Variants in SERPINI1 observed in about 807,000 individuals in gnomAD.
SERPINI1 encodes neuroserpin.
SERPINI1 carries 19 observed loss-of-function variants against 41.1 expected under a neutral mutation model. That is an observed-to-expected ratio of 0.46 (90% CI 0.32 to 0.68). The LOEUF is 0.68. Among genes scored for constraint, SERPINI1 ranks in the 30% least tolerant of loss-of-function variants. The pLI is 0.03. For synonymous variants in SERPINI1, 138 were observed against 156.6 expected (o/e 0.88, Z 0.89); for missense variants, 460 against 479.2 (o/e 0.96, Z 0.37).
intron 5 of SERPINI1, among the ~76,000 whole-genome samples, chr3:167,797,750 T>TTA (rs397779381): frequency 2.0e-5 from 3 of 151,582 alleles, no homozygotes; most frequent in Non-Finnish European, 2.9e-5. Flanking sequence ...GTTTTTTTTT[T>TTA]ATGTATGATA....
intron 1 of SERPINI1, among the ~76,000 whole-genome samples, chr3:167,744,100 C>G (rs1725765437): frequency 6.6e-6 from 1 of 152,070 alleles, no homozygotes; most frequent in African/African-American, 2.4e-5. Flanking sequence ...TTGTCAAACA[C>G]TGGTTAAGAA....
chr3:167,798,778 G>C (rs371430911), intron 5 of SERPINI1, among the ~76,000 whole-genome samples: 1 of 152,058 alleles, frequency 6.6e-6, no homozygotes, highest in Non-Finnish European at 1.5e-5. Flanking sequence ...ATAAGTGGGA[G>C]CTAAATTTTG....
intron 5 of SERPINI1, 90 bp downstream of exon 5, chr3:167,794,914 G>A (rs1727662625): frequency 5.2e-6 from 5 of 960,996 alleles, no homozygotes; most frequent in East Asian, 2.5e-5. Context: ...AACTGCTTTC[G>A]AATTATAATT....
intron 1 of SERPINI1, among the ~76,000 whole-genome samples, chr3:167,752,428 G>A (rs1726074260): frequency 6.6e-6 from 1 of 152,124 alleles, no homozygotes; most frequent in African/African-American, 2.4e-5. Context: ...CCAGCTGGCT[G>A]AGTTTAAACC....
At chr3:167,804,910 GATACAATTC>G (rs1711574658) in intron 5 of SERPINI1, among the ~76,000 whole-genome samples, 2 of 152,252 alleles carry the variant, frequency 1.3e-5, no homozygotes, top group Admixed American at 1.3e-4. Flanking sequence ...AAAGTTTGGT[GATACAATTC>G]ATTAGTTTGG....
chr3:167,753,290 T>A (rs1191067891), intron 1 of SERPINI1, among the ~76,000 whole-genome samples: 3 of 152,094 alleles, frequency 2.0e-5, no homozygotes, highest in African/African-American at 7.2e-5. Context: ...ATTTTGTCTA[T>A]TTTGTGTAGA....
chr3:167,821,136 T>C (rs113832035), intron 6 of SERPINI1, among the ~76,000 whole-genome samples: 120 of 152,252 alleles, frequency 7.9e-4, no homozygotes, highest in African/African-American at 2.9e-3. Flanking sequence ...CACCCTCCAC[T>C]TGTCTACATG....
At chr3:167,745,286 A>G (rs778004533) in intron 1 of SERPINI1, among the ~76,000 whole-genome samples, 6 of 152,042 alleles carry the variant, frequency 3.9e-5, no homozygotes, top group Non-Finnish European at 8.8e-5. Context: ...AATTAGCATT[A>G]CATACTATAT....
chr3:167,806,500 T>C (rs1442373684), intron 5 of SERPINI1, among the ~76,000 whole-genome samples: 2 of 152,076 alleles, frequency 1.3e-5, no homozygotes, highest in Non-Finnish European at 2.9e-5. Flanking sequence ...AAAAAAAAAT[T>C]CTTCAGTGTA....
intron 1 of SERPINI1, among the ~76,000 whole-genome samples, chr3:167,748,799 G>A (rs1165327909): frequency 1.2e-4 from 16 of 138,530 alleles, no homozygotes; most frequent in South Asian, 6.7e-4. Flanking sequence ...TGTGTTAACT[G>A]TATCTAAATA....
chr3:167,805,786 A>T (rs1711611059), intron 5 of SERPINI1, among the ~76,000 whole-genome samples: 1 of 152,146 alleles, frequency 6.6e-6, no homozygotes, highest in Non-Finnish European at 1.5e-5. Context: ...AGCACCATTT[A>T]TTAAATAGGG....
intron 1 of SERPINI1, among the ~76,000 whole-genome samples, chr3:167,772,949 CATAT>C (rs545950927): frequency 2.9e-5 from 3 of 104,810 alleles, no homozygotes; most frequent in African/African-American, 8.2e-5. Flanking sequence ...CATATATACA[CATAT>C]ATATGTATAT....
At chr3:167,781,634 CTTTTTTTTTTT>C (rs757785091) in intron 1 of SERPINI1, among the ~76,000 whole-genome samples, 3 of 81,752 alleles carry the variant, frequency 3.7e-5, no homozygotes, top group East Asian at 3.4e-4. Context: ...TTCTTTTGGC[CTTTTTTTTTTT>C]TTTTTTTTTT....
intron 5 of SERPINI1, among the ~76,000 whole-genome samples, chr3:167,798,437 A>G (rs1449154987): frequency 1.3e-5 from 2 of 152,186 alleles, no homozygotes; most frequent in Non-Finnish European, 2.9e-5. Flanking sequence ...ATATGTTACA[A>G]TAATCAGTGT....
At chr3:167,755,182 G>A (rs1392760778) in intron 1 of SERPINI1, among the ~76,000 whole-genome samples, 1 of 152,158 alleles carries the variant, frequency 6.6e-6, no homozygotes, top group Non-Finnish European at 1.5e-5. Flanking sequence ...TTAGCTGTAT[G>A]GGAAAGAATC....
chr3:167,822,201 G>A (rs1049346111), intron 6 of SERPINI1, among the ~76,000 whole-genome samples: 2 of 152,052 alleles, frequency 1.3e-5, no homozygotes, highest in African/African-American at 2.4e-5. Flanking sequence ...TTATAAGAAC[G>A]CTAGTCATAT....
chr3:167,759,184 T>TA (rs1193977359), intron 1 of SERPINI1, among the ~76,000 whole-genome samples: 4 of 152,110 alleles, frequency 2.6e-5, no homozygotes, highest in African/African-American at 9.7e-5. Flanking sequence ...TGTTCCCATT[T>TA]TATAGACTTT....
intron 1 of SERPINI1, among the ~76,000 whole-genome samples, chr3:167,764,866 A>G (rs531503177): frequency 6.6e-6 from 1 of 152,344 alleles, no homozygotes; most frequent in African/African-American, 2.4e-5. Context: ...TAAAGGAACC[A>G]TGCAAGTCTG....
chr3:167,816,112 G>A (rs894800044), intron 6 of SERPINI1, among the ~76,000 whole-genome samples: 1 of 152,086 alleles, frequency 6.6e-6, no homozygotes, highest in African/African-American at 2.4e-5. Context: ...GTGCGATCTT[G>A]GCTCACTGCA....
Sources: gnomAD v4.1 joint callset for allele counts (sites outside exome capture counted in the v4.1 genomes callset) on GRCh38, gnomAD v4.1.1 for gene constraint, MANE v1.5 for transcripts, NCBI Gene and HGNC (gene_info 2026-07-23, HGNC 2026-07-21) for gene names.